Variants in PLA2G4A observed in about 807,000 individuals in gnomAD.
The protein encoded by PLA2G4A is cytosolic phospholipase A2.
A neutral mutation model predicts 81.9 loss-of-function variants in PLA2G4A; 40 were observed. The observed-to-expected ratio is 0.49, with a 90% CI of 0.38 to 0.64. PLA2G4A has a LOEUF of 0.64. Ranked by LOEUF, PLA2G4A falls within the 30% of genes least tolerant of loss-of-function variation. PLA2G4A has a pLI of 0.00. For synonymous variants in PLA2G4A, 302 were observed against 296.9 expected (o/e 1.02, Z -0.18); for missense variants, 715 against 905.1 (o/e 0.79, Z 2.69).
At chr1:186,969,583 T>C (rs1657268797) in intron 15 of PLA2G4A, among the ~76,000 whole-genome samples, 1 of 151,930 alleles carries the variant, frequency 6.6e-6, no homozygotes. Context: ...CAGCAGATGG[T>C]AACCATCATT....
At chr1:186,856,194 A>G (rs1387039633) in intron 2 of PLA2G4A, among the ~76,000 whole-genome samples, 10 of 152,158 alleles carry the variant, frequency 6.6e-5, no homozygotes, top group African/African-American at 1.9e-4. Flanking sequence ...CTTCCAATCC[A>G]TTAACAAACC....
chr1:186,885,792 T>G (rs1271749728), intron 3 of PLA2G4A, among the ~76,000 whole-genome samples: 1 of 152,048 alleles, frequency 6.6e-6, no homozygotes, highest in African/African-American at 2.4e-5. Context: ...TTTACTGTAG[T>G]TTGAAAACAG....
chr1:186,911,426 A>G (rs774615576), intron 7 of PLA2G4A, 37 bp downstream of exon 7: 1 of 1,463,426 alleles, frequency 6.8e-7, no homozygotes, highest in South Asian at 1.1e-5. Flanking sequence ...CTATACTTTA[A>G]TAATAATTTA....
chr1:186,959,004 T>C (rs1656852474), intron 14 of PLA2G4A, among the ~76,000 whole-genome samples: 1 of 152,152 alleles, frequency 6.6e-6, no homozygotes, highest in Non-Finnish European at 1.5e-5. Context: ...GCATCCTGTA[T>C]TTTTTTAGCT....
At position 186,946,955 on chromosome 1, in the gene PLA2G4A, G is replaced by T; in HGVS notation, c.1258G>T (p.Glu420Ter). The T allele has an allele frequency of 6.4e-7, 1 of 1,571,756 alleles. No homozygotes were observed. The highest frequency in any genetic ancestry group is 8.8e-7 in the Non-Finnish European group (1 of 1,141,488). The stretch of plus-strand genomic sequence containing the variant: ...AAGCAGAGGCTCCACAATGGAGGAA[G>T]AATTAGGTATCCTAAAGATATGCTT... Reference protein sequence around the residue: ...SQSRGSTMEEELENITTKHIV... With the variant: ...SQSRGSTMEE The change falls in exon 12 of 18, where the codon GAA becomes TAA. Residue 420 changes from glutamate (E) to a stop codon, truncating the protein, a stop_gained. Transcript: ENST00000367466. LOFTEE classifies it high-confidence loss of function.
intron 17 of PLA2G4A, among the ~76,000 whole-genome samples, chr1:186,986,427 C>A (rs1479870594): frequency 6.6e-6 from 1 of 152,064 alleles, no homozygotes; most frequent in Non-Finnish European, 1.5e-5. Context: ...GAAGGAGAAA[C>A]CAATTGATAA....
chr1:186,857,443 A>T (rs546223192), intron 2 of PLA2G4A, among the ~76,000 whole-genome samples: 8 of 131,734 alleles, frequency 6.1e-5, no homozygotes, highest in African/African-American at 2.0e-4. Context: ...ATAAATATAT[A>T]ATATAATATA....
At chr1:186,928,149 ACTGGTCTAGAGAG>A (rs1202201822) in intron 7 of PLA2G4A, among the ~76,000 whole-genome samples, 1 of 152,098 alleles carries the variant, frequency 6.6e-6, no homozygotes. Flanking sequence ...AACTGGCCTA[ACTGGTCTAGAGAG>A]CAGGTTAGAT....
intron 3 of PLA2G4A, among the ~76,000 whole-genome samples, chr1:186,873,681 A>G (rs1040922839): frequency 2.6e-5 from 4 of 152,100 alleles, no homozygotes; most frequent in African/African-American, 9.7e-5. Context: ...ATGCTACCCT[A>G]ACTACCTACA....
chr1:186,951,037 A>G (rs1165796139), intron 13 of PLA2G4A, among the ~76,000 whole-genome samples: 1 of 152,220 alleles, frequency 6.6e-6, no homozygotes, highest in Non-Finnish European at 1.5e-5. Flanking sequence ...GCTTCTCAGC[A>G]TGGTTACTGT....
At chr1:186,941,589 C>G (rs929075612) in intron 10 of PLA2G4A, among the ~76,000 whole-genome samples, 1 of 152,130 alleles carries the variant, frequency 6.6e-6, no homozygotes, top group African/African-American at 2.4e-5. Context: ...CTGCTTAGAA[C>G]GTAATTAGCA....
intron 5 of PLA2G4A, among the ~76,000 whole-genome samples, chr1:186,895,427 T>G (rs1310621682): frequency 1.3e-5 from 2 of 152,214 alleles, no homozygotes; most frequent in African/African-American, 2.4e-5. Context: ...CTCACCACAA[T>G]TCTGTCGACC....
intron 8 of PLA2G4A, among the ~76,000 whole-genome samples, chr1:186,938,577 T>C (rs1462561569): frequency 6.6e-6 from 1 of 152,152 alleles, no homozygotes; most frequent in African/African-American, 2.4e-5. Context: ...GACAACATAT[T>C]TTCTACCTGT....
chr1:186,910,404 A>G (rs1262614726), intron 6 of PLA2G4A, among the ~76,000 whole-genome samples: 1 of 152,152 alleles, frequency 6.6e-6, no homozygotes, highest in African/African-American at 2.4e-5. Context: ...TTTTAAATTC[A>G]GTAGTTGGTA....
In PLA2G4A at chr1:186,979,374, C is replaced by T. The variant is rs773508553; in HGVS notation, c.2020C>T (p.Pro674Ser). Reference protein sequence around the residue: ...EIADFDIFDDPESPFSTFNFQ... With the variant: ...EIADFDIFDDSESPFSTFNFQ... ...CGCTGACTTTGATATTTTTGATGAC[C>T]CAGAATCACCATTTTCAACCTTCAA... Residue 674 changes from proline to serine, a missense_variant, in exon 17 of 18, where the codon CCA becomes TCA. Physicochemically the swap from Pro to Ser is moderately conservative, Grantham distance 74. Coordinates refer to ENST00000367466, the MANE Select transcript of PLA2G4A (RefSeq NM_024420.3). The T allele has an allele frequency of 2.5e-6, 4 of 1,608,356 alleles. No individual in the cohort carries two copies. The highest frequency in any genetic ancestry group is 3.3e-5 in the Admixed American group (2 of 60,016).
At chr1:186,874,566 G>T (rs183401058) in intron 3 of PLA2G4A, among the ~76,000 whole-genome samples, 1 of 152,022 alleles carries the variant, frequency 6.6e-6, no homozygotes, top group Non-Finnish European at 1.5e-5. Flanking sequence ...TATATACTGA[G>T]GATTCTTTCC....
chr1:186,981,409 T>C (rs1309029827), intron 17 of PLA2G4A, among the ~76,000 whole-genome samples: 3 of 152,222 alleles, frequency 2.0e-5, no homozygotes, highest in Admixed American at 6.5e-5. Context: ...CAAAGTAGTT[T>C]GTTTGACACA....
intron 14 of PLA2G4A, among the ~76,000 whole-genome samples, chr1:186,963,763 G>T (rs1310676914): frequency 3.3e-5 from 5 of 152,174 alleles, no homozygotes; most frequent in African/African-American, 1.2e-4. Flanking sequence ...GGAAACAGAT[G>T]ACTTTGTTAA....
intron 12 of PLA2G4A, among the ~76,000 whole-genome samples, chr1:186,949,404 G>GAAGAAAGA: frequency 1.4e-5 from 2 of 147,156 alleles, no homozygotes; most frequent in African/African-American, 5.0e-5. Flanking sequence ...GAAAAAGAAA[G>GAAGAAAGA]AAGAAAGAAA....
Sources: allele counts gnomAD v4.1 joint callset (sites outside exome capture counted in the v4.1 genomes callset), GRCh38; gene constraint gnomAD v4.1.1; transcripts MANE v1.5; gene names NCBI Gene and HGNC (gene_info 2026-07-23, HGNC 2026-07-21).